CARMIL1: variants seen among roughly 807,000 people sequenced by gnomAD.
CARMIL1 encodes capping protein regulator and myosin 1 linker 1.
Under a neutral mutation model 177.1 loss-of-function variants are expected in CARMIL1, and 90 were observed. The ratio of observed to expected loss-of-function variants is 0.51; its 90% CI spans 0.43 to 0.61. CARMIL1 has a LOEUF of 0.61. Ranked by LOEUF, CARMIL1 falls within the 20% of genes least tolerant of loss-of-function variation. CARMIL1 has a pLI of 0.00. For synonymous variants in CARMIL1, 577 were observed against 606.2 expected (o/e 0.95, Z 0.71); for missense variants, 1,380 against 1,667.0 (o/e 0.83, Z 3.00).
intron 2 of CARMIL1, among the ~76,000 whole-genome samples, chr6:25,343,730 C>G (rs1330919384): frequency 6.6e-6 from 1 of 152,074 alleles, no homozygotes; most frequent in Non-Finnish European, 1.5e-5. Context: ...CAGCAAACCC[C>G]CCACTTCCTC....
At chr6:25,551,690 A>C (rs1810121423) in intron 27 of CARMIL1, among the ~76,000 whole-genome samples, 1 of 152,230 alleles carries the variant, frequency 6.6e-6, no homozygotes, top group Non-Finnish European at 1.5e-5. Context: ...GTCCATCAAC[A>C]GTATTACATT....
At chr6:25,501,087 C>T (rs899418529) in intron 17 of CARMIL1, among the ~76,000 whole-genome samples, 7 of 151,956 alleles carry the variant, frequency 4.6e-5, no homozygotes, top group Admixed American at 4.6e-4. Flanking sequence ...TTACAGGGCA[C>T]CTAGACTTTT....
At chr6:25,339,246 C>G (rs962761973) in intron 2 of CARMIL1, among the ~76,000 whole-genome samples, 24 of 152,132 alleles carry the variant, frequency 1.6e-4, no homozygotes, top group Admixed American at 1.3e-4. Context: ...AGTCCTCTTG[C>G]GAAGTCATTT....
At chr6:25,526,337 C>T (rs1018130498) in intron 23 of CARMIL1, among the ~76,000 whole-genome samples, 6 of 149,102 alleles carry the variant, frequency 4.0e-5, no homozygotes, top group Middle Eastern at 3.3e-3. Flanking sequence ...CACAAGACTC[C>T]GTCTCAAAAA....
Position 25,472,410 on chromosome 6 carries a change from G to T in CARMIL1, c.780-17G>T, listed in dbSNP as rs1290936739. 1 of 1,512,814 alleles carries T rather than the reference G, an allele frequency of 6.6e-7. No individual in the cohort carries two copies. The highest frequency in any genetic ancestry group is 9.0e-7 in the Non-Finnish European group (1 of 1,109,460). The allele number at this position is 1,512,814 out of a possible 1,614,324, so 93.7% of individuals were successfully genotyped here. On this transcript the variant is annotated splice_polypyrimidine_tract_variant and intron_variant, in intron 10 of 36. Coordinates refer to ENST00000329474, the MANE Select transcript of CARMIL1 (RefSeq NM_017640.6). ...TTACATTTTGTTATTTAATCTTATT[G>T]TTTTGTTTACACGCAGAGATTTTGC...
intron 2 of CARMIL1, among the ~76,000 whole-genome samples, chr6:25,311,569 T>C (rs1783823290): frequency 6.6e-6 from 1 of 152,084 alleles, no homozygotes; most frequent in African/African-American, 2.4e-5. Context: ...TAGATGGAGA[T>C]CTGTAAAAGC....
At chr6:25,438,777 T>G (rs1797459409) in intron 5 of CARMIL1, among the ~76,000 whole-genome samples, 1 of 152,050 alleles carries the variant, frequency 6.6e-6, no homozygotes, top group African/African-American at 2.4e-5. Flanking sequence ...AGGTTGGGAT[T>G]TAGTAGTATT....
chr6:25,517,608 A>G (rs1806137260), intron 22 of CARMIL1, among the ~76,000 whole-genome samples, 193 bp downstream of exon 22: 1 of 152,176 alleles, frequency 6.6e-6, no homozygotes, highest in Non-Finnish European at 1.5e-5. Flanking sequence ...TTCCTTATGT[A>G]TGAAATGAGG....
intron 3 of CARMIL1, 102 bp from the exon 4 acceptor site, chr6:25,426,399 T>G: frequency 1.1e-6 from 1 of 886,104 alleles, no homozygotes; most frequent in East Asian, 2.7e-5. Context: ...CTTGGGCTGT[T>G]TCTAGTTGTA....
intron 29 of CARMIL1, among the ~76,000 whole-genome samples, chr6:25,574,894 T>C (rs373476823): frequency 3.3e-5 from 5 of 152,180 alleles, no homozygotes; most frequent in African/African-American, 1.2e-4. Context: ...CCCCCCTCCT[T>C]AATACTCTCT....
chr6:25,382,216 G>T (rs1316194222), intron 2 of CARMIL1, among the ~76,000 whole-genome samples: 2 of 152,156 alleles, frequency 1.3e-5, no homozygotes, highest in Non-Finnish European at 1.5e-5. Flanking sequence ...TCATGCCTCA[G>T]TCTCCTGAGT....
intron 8 of CARMIL1, among the ~76,000 whole-genome samples, chr6:25,450,918 TCTCCTCTCCTCTCCTCTCC>T: frequency 1.5e-4 from 1 of 6,602 alleles, no homozygotes; most frequent in East Asian, 5.1e-3. Flanking sequence ...TTCCTTCTCC[TCTCCTCTCCTCTCCTCTCC>T]TCTCCTCTCC....
chr6:25,477,065 G>A (rs1323853173), intron 11 of CARMIL1, among the ~76,000 whole-genome samples: 1 of 148,770 alleles, frequency 6.7e-6, no homozygotes, highest in South Asian at 2.1e-4. Context: ...CTCCAGCCTG[G>A]CGACTGAGAG....
chr6:25,604,333 G>A (rs1285365026), intron 33 of CARMIL1, among the ~76,000 whole-genome samples: 2 of 152,116 alleles, frequency 1.3e-5, no homozygotes, highest in Non-Finnish European at 2.9e-5. Context: ...TCCCATCTCA[G>A]TTTCCCAAAG....
intron 12 of CARMIL1, among the ~76,000 whole-genome samples, chr6:25,485,376 G>A (rs959886245): frequency 6.6e-6 from 1 of 152,202 alleles, no homozygotes; most frequent in Admixed American, 6.5e-5. Context: ...ACATGTTTTG[G>A]GAATTAACAT....
chr6:25,427,929 C>T (rs1329678364), intron 4 of CARMIL1, among the ~76,000 whole-genome samples: 3 of 152,152 alleles, frequency 2.0e-5, no homozygotes, highest in Non-Finnish European at 4.4e-5. Context: ...ATTCTGGATA[C>T]AAAGCCTTTA....
intron 32 of CARMIL1, 143 bp downstream of exon 32, chr6:25,594,670 CG>C (rs1332247506): frequency 1.7e-6 from 1 of 579,954 alleles, no homozygotes; most frequent in Non-Finnish European, 3.0e-6. Flanking sequence ...GTCTCTGGGC[CG>C]GCAATACCAG....
chr6:25,370,743 A>T (rs1048062548), intron 2 of CARMIL1, among the ~76,000 whole-genome samples: 3 of 149,394 alleles, frequency 2.0e-5, no homozygotes, highest in African/African-American at 7.4e-5. Context: ...CACTAAACAT[A>T]TTTTTTTTTT....
intron 8 of CARMIL1, chr6:25,451,986 G>GCCTCCT: frequency 8.9e-6 from 1 of 112,672 alleles, no homozygotes; most frequent in Non-Finnish European, 1.7e-5. Context: ...CTAGCATCTT[G>GCCTCCT]CCCCCCCCTC....
Sources: allele counts gnomAD v4.1 joint callset (sites outside exome capture counted in the v4.1 genomes callset), GRCh38; gene constraint gnomAD v4.1.1; transcripts MANE v1.5; gene names NCBI Gene and HGNC (gene_info 2026-07-23, HGNC 2026-07-21).